CCDC91: variants seen among roughly 807,000 people sequenced by gnomAD.
CCDC91 encodes coiled-coil domain-containing protein 91.
Under a neutral mutation model 63.2 loss-of-function variants are expected in CCDC91, and 48 were observed. The observed-to-expected ratio is 0.76, with a 90% CI of 0.60 to 0.97. CCDC91 has a LOEUF of 0.97. CCDC91 is among the 50% of genes least tolerant of loss of function. CCDC91 has a pLI of 0.00. For synonymous variants in CCDC91, 167 were observed against 165.8 expected, an observed-to-expected ratio of 1.01 and a Z score of -0.06; for missense variants, 500 against 494.6, an observed-to-expected ratio of 1.01 and a Z score of -0.10.
intron 11 of CCDC91, among the ~76,000 whole-genome samples, chr12:28,465,208 G>T (rs1950495078): frequency 6.6e-6 from 1 of 152,168 alleles, no homozygotes; most frequent in African/African-American, 2.4e-5. Context: ...GGAACACCAG[G>T]TAGATGTCTA....
intron 6 of CCDC91, among the ~76,000 whole-genome samples, chr12:28,345,903 C>T (rs755100554): frequency 6.6e-6 from 1 of 152,032 alleles, no homozygotes; most frequent in African/African-American, 2.4e-5. Context: ...TATGTCAGTG[C>T]CATTGATCCC....
chr12:28,432,585 C>T (rs1948687793), intron 8 of CCDC91, among the ~76,000 whole-genome samples: 1 of 152,116 alleles, frequency 6.6e-6, no homozygotes, highest in Non-Finnish European at 1.5e-5. Flanking sequence ...GTAAATTTCT[C>T]AGTCTCAGGT....
intron 8 of CCDC91, among the ~76,000 whole-genome samples, chr12:28,434,712 T>C (rs908448280): frequency 1.3e-4 from 19 of 150,344 alleles, no homozygotes; most frequent in Non-Finnish European, 2.2e-4. Context: ...TGAATTAGTA[T>C]AATTTTTCCT....
intron 1 of CCDC91, among the ~76,000 whole-genome samples, chr12:28,237,956 G>A (rs1401490335): frequency 2.0e-5 from 3 of 152,082 alleles, no homozygotes; most frequent in Admixed American, 2.0e-4. Context: ...CAGCTCCACA[G>A]ATGAGCCCTC....
At chr12:28,237,421 G>A (rs1397855119) in intron 1 of CCDC91, among the ~76,000 whole-genome samples, 2 of 152,024 alleles carry the variant, frequency 1.3e-5, no homozygotes, top group African/African-American at 2.4e-5. Flanking sequence ...TTATCTGTGC[G>A]GGTCCTAAAT....
chr12:28,540,620 C>T (rs930504032), intron 12 of CCDC91, among the ~76,000 whole-genome samples: 9 of 152,106 alleles, frequency 5.9e-5, no homozygotes, highest in African/African-American at 1.7e-4. Context: ...GTCATAACTT[C>T]GCTAAGCCTT....
chr12:28,407,009 A>G (rs1204736234), intron 8 of CCDC91, among the ~76,000 whole-genome samples: 3 of 152,098 alleles, frequency 2.0e-5, no homozygotes, highest in Non-Finnish European at 1.5e-5. Flanking sequence ...TTTCTCATGA[A>G]TGATTTAGTA....
At chr12:28,330,492 C>G (rs530549697) in intron 6 of CCDC91, among the ~76,000 whole-genome samples, 13 of 148,818 alleles carry the variant, frequency 8.7e-5, no homozygotes, top group Non-Finnish European at 1.5e-4. Context: ...TGTTTGAGTT[C>G]TTTGTAGATT....
At chr12:28,548,954 G>A in intron 12 of CCDC91, 109 bp from the exon 13 acceptor site, 2 of 651,900 alleles carry the variant, frequency 3.1e-6, no homozygotes, top group South Asian at 2.1e-5. Flanking sequence ...TTCCTAAATT[G>A]TCTCATCTGG....
intron 1 of CCDC91, among the ~76,000 whole-genome samples, chr12:28,234,337 CA>C (rs1467992722): frequency 3.9e-5 from 6 of 152,146 alleles, no homozygotes; most frequent in Middle Eastern, 3.4e-3. Context: ...TGTAGTGAGA[CA>C]GTTGCAAAAT....
chr12:28,267,854 A>AATATATAATTATATTATTT (rs1947381544), intron 3 of CCDC91, among the ~76,000 whole-genome samples: 3 of 52,708 alleles, frequency 5.7e-5, no homozygotes, highest in African/African-American at 2.2e-4. Flanking sequence ...ATTATATAGT[A>AATATATAATTATATTATTT]ATATATAATT....
chr12:28,378,567 G>A (rs1437872868), intron 7 of CCDC91, among the ~76,000 whole-genome samples: 3 of 151,966 alleles, frequency 2.0e-5, no homozygotes, highest in African/African-American at 7.2e-5. Context: ...CTCAAAGAGA[G>A]GAAAAGTAAA....
chr12:28,389,299 G>T (rs1945796187), intron 7 of CCDC91, among the ~76,000 whole-genome samples: 1 of 151,960 alleles, frequency 6.6e-6, no homozygotes, highest in South Asian at 2.1e-4. Context: ...CAATGTGGAA[G>T]ACTTTTAAAA....
chr12:28,454,340 G>A (rs1317163448), intron 11 of CCDC91, among the ~76,000 whole-genome samples: 1 of 152,066 alleles, frequency 6.6e-6, no homozygotes, highest in African/African-American at 2.4e-5. Flanking sequence ...AGATTTTGTG[G>A]GCCTCTCAAA....
chr12:28,286,722 T>C (rs1298168064), intron 3 of CCDC91, among the ~76,000 whole-genome samples: 1 of 152,162 alleles, frequency 6.6e-6, no homozygotes, highest in Non-Finnish European at 1.5e-5. Context: ...TTGGGTATAT[T>C]CCCAGTAATG....
At chr12:28,520,500 AT>A (rs1940507035) in intron 12 of CCDC91, among the ~76,000 whole-genome samples, 1 of 151,916 alleles carries the variant, frequency 6.6e-6, no homozygotes, top group Non-Finnish European at 1.5e-5. Flanking sequence ...GATTGCAAAA[AT>A]TTTCTCCCAT....
intron 8 of CCDC91, among the ~76,000 whole-genome samples, chr12:28,428,571 CCCCA>C (rs1202252862): frequency 1.6e-4 from 11 of 70,828 alleles, no homozygotes; most frequent in Admixed American, 5.5e-4. Context: ...CTCCGTCTCT[CCCCA>C]AAAAAAAAAA....
At chr12:28,371,900 T>G (rs956908532) in intron 7 of CCDC91, among the ~76,000 whole-genome samples, 12 of 152,242 alleles carry the variant, frequency 7.9e-5, no homozygotes, top group African/African-American at 2.9e-4. Context: ...AATTACTATC[T>G]GGAGCTGCTT....
chr12:28,243,459 A>G (rs1332305785), intron 1 of CCDC91, among the ~76,000 whole-genome samples: 2 of 152,230 alleles, frequency 1.3e-5, no homozygotes, highest in African/African-American at 2.4e-5. Context: ...CCAAAAATAT[A>G]TAACATCAAA....
Sources: gnomAD v4.1 joint callset for allele counts (sites outside exome capture counted in the v4.1 genomes callset) on GRCh38, gnomAD v4.1.1 for gene constraint, MANE v1.5 for transcripts, NCBI Gene and HGNC (gene_info 2026-07-23, HGNC 2026-07-21) for gene names.